The following RHOBTB2 variants were observed in gnomAD, a reference collection of about 807,000 sequenced individuals.
RHOBTB2 encodes the protein Rho related BTB domain containing 2, also known as rho-related BTB domain-containing protein 2.
A neutral mutation model predicts 66.5 loss-of-function variants in RHOBTB2; 39 were observed. The observed-to-expected ratio is 0.59, with a 90% CI of 0.45 to 0.77. The LOEUF (loss-of-function observed/expected upper bound fraction) is 0.77, where lower values mean the gene tolerates loss of function less well. Among genes scored for constraint, RHOBTB2 ranks in the 30% least tolerant of loss-of-function variants. RHOBTB2 has a pLI of 0.00. For synonymous variants in RHOBTB2, 390 were observed against 395.0 expected, an observed-to-expected ratio of 0.99 and a Z score of 0.15; for missense variants, 755 against 999.1, an observed-to-expected ratio of 0.76 and a Z score of 3.29.
chr8:22,970,602 CT>C, the RHOBTB2 span, among the ~76,000 whole-genome samples: 4 of 113,358 alleles, frequency 3.5e-5, no homozygotes, highest in South Asian at 2.7e-4. Flanking sequence ...GACTCTGTCC[CT>C]AAAAAAAAAA....
At chr8:23,015,510 C>T in intron 8 of RHOBTB2, 128 bp from the exon 9 acceptor site, 1 of 625,980 alleles carries the variant, frequency 1.6e-6, no homozygotes. Context: ...CTGGCGCAGG[C>T]TCTCTAGAAC....
At chr8:22,990,018 T>C (rs1380268110) in intron 1 of RHOBTB2, among the ~76,000 whole-genome samples, 1 of 152,200 alleles carries the variant, frequency 6.6e-6, no homozygotes, top group Non-Finnish European at 1.5e-5. Context: ...AGGTAGTACA[T>C]GCAGCACAAT....
chr8:22,954,110 A>T, the RHOBTB2 span, among the ~76,000 whole-genome samples: 1 of 152,264 alleles, frequency 6.6e-6, no homozygotes, highest in Non-Finnish European at 1.5e-5. Flanking sequence ...TCTCACACAG[A>T]CATAAAATGA....
At chr8:22,975,847 C>G in the RHOBTB2 span, among the ~76,000 whole-genome samples, 2 of 152,050 alleles carry the variant, frequency 1.3e-5, no homozygotes, top group Non-Finnish European at 2.9e-5. Context: ...CTAGATCTCT[C>G]TCTCTAAAGA....
At chr8:23,011,698 C>T (rs573368200) in intron 7 of RHOBTB2, among the ~76,000 whole-genome samples, 17 of 152,264 alleles carry the variant, frequency 1.1e-4, no homozygotes, top group African/African-American at 3.9e-4. Flanking sequence ...AGACGGCTCT[C>T]GTTCATGTTG....
the RHOBTB2 span, among the ~76,000 whole-genome samples, chr8:22,963,846 A>T: frequency 2.0e-5 from 3 of 152,060 alleles, no homozygotes; most frequent in African/African-American, 7.2e-5. Flanking sequence ...CAATGATGTG[A>T]TCTTGGCTCA....
chr8:22,960,232 GAAATGCTTTTATA>G, the RHOBTB2 span, among the ~76,000 whole-genome samples: 70 of 151,718 alleles, frequency 4.6e-4, no homozygotes, highest in Non-Finnish European at 7.7e-4. Flanking sequence ...AAAACAAGTT[GAAATGCTTTTATA>G]AAATGCTTTT....
the RHOBTB2 span, among the ~76,000 whole-genome samples, chr8:22,969,750 T>C: frequency 2.3e-4 from 35 of 152,188 alleles, no homozygotes; most frequent in African/African-American, 8.4e-4. Flanking sequence ...TTACAAATTA[T>C]AGTTTTGTTT....
At chr8:23,013,094 C>T (rs998828188) in intron 7 of RHOBTB2, among the ~76,000 whole-genome samples, 2 of 151,788 alleles carry the variant, frequency 1.3e-5, no homozygotes, top group African/African-American at 2.4e-5. Flanking sequence ...CCACCACACC[C>T]GGCCTAATTT....
upstream of RHOBTB2, among the ~76,000 whole-genome samples, chr8:22,983,799 A>G (rs1810249917): frequency 6.6e-6 from 1 of 151,860 alleles, no homozygotes; most frequent in African/African-American, 2.4e-5. Flanking sequence ...CAGTGGCGCC[A>G]TCTTGGCTCA....
chr8:22,996,780 G>A (rs2128799369), upstream of RHOBTB2, among the ~76,000 whole-genome samples: 1 of 152,216 alleles, frequency 6.6e-6, no homozygotes, highest in South Asian at 2.1e-4. Context: ...GCTGGGGACA[G>A]GGATGGGCAT....
chr8:23,006,412 G>A lies in RHOBTB2; in HGVS notation c.482+267G>A. 1 of 552,566 alleles carries A rather than the reference G, an allele frequency of 1.8e-6. No individual in the cohort carries two copies. Among genetic ancestry groups the A allele is most frequent in the East Asian group, 2.9e-5 (1 of 34,786 alleles). The allele number at this position is 552,566 out of a possible 1,614,324, so 34.2% of individuals were successfully genotyped here. ...CATGAAAAAGTCCTATAATTTTGCT[G>A]AGGGATAAACTAAATATGTGAGCAT... is the stretch of plus-strand genomic sequence containing the variant. On this transcript the variant is annotated intron_variant, in intron 4 of 9. Transcript: ENST00000251822. This position sits in a 1 kb window ranked among gnomAD's most constrained non-coding sequence, Gnocchi z 6.1.
chr8:22,983,469 A>G (rs1810243876), upstream of RHOBTB2, among the ~76,000 whole-genome samples: 1 of 151,432 alleles, frequency 6.6e-6, no homozygotes, highest in South Asian at 2.1e-4. Flanking sequence ...TGGGCAACAA[A>G]GTGAGACCCA....
At chr8:22,981,387 G>C in the RHOBTB2 span, among the ~76,000 whole-genome samples, 1 of 152,174 alleles carries the variant, frequency 6.6e-6, no homozygotes, top group Admixed American at 6.5e-5. Context: ...GGAGCTACCC[G>C]CAGCTCATTC....
chr8:23,014,924 C>A, intron 8 of RHOBTB2, 146 bp downstream of exon 8: 1 of 679,894 alleles, frequency 1.5e-6, no homozygotes, highest in Admixed American at 2.2e-5. Context: ...AGCCCATCTC[C>A]TCCTCCATGC....
chr8:22,988,622 C>A (rs998556644), intron 1 of RHOBTB2, among the ~76,000 whole-genome samples: 1 of 152,124 alleles, frequency 6.6e-6, no homozygotes, highest in Non-Finnish European at 1.5e-5. Flanking sequence ...CTCAGCCCCC[C>A]AAATTTTGTT....
chr8:23,000,246 G>C (rs1810732031), intron 1 of RHOBTB2, 141 bp downstream of exon 1: 1 of 430,532 alleles, frequency 2.3e-6, no homozygotes, highest in Non-Finnish European at 3.1e-6. Flanking sequence ...TCGGCTGCTG[G>C]GTACAGCGGG....
At chr8:22,979,420 T>C in the RHOBTB2 span, among the ~76,000 whole-genome samples, 3 of 152,210 alleles carry the variant, frequency 2.0e-5, no homozygotes, top group Non-Finnish European at 4.4e-5. Flanking sequence ...AATAGTTCTT[T>C]CTATCCTTTG....
At chr8:22,977,571 CAAA>C in the RHOBTB2 span, among the ~76,000 whole-genome samples, 156 of 136,586 alleles carry the variant, frequency 1.1e-3, no homozygotes, top group East Asian at 6.4e-4. Flanking sequence ...GACCCTTTCT[CAAA>C]AAAAAAAAAA....
Sources: allele counts gnomAD v4.1 joint callset (sites outside exome capture counted in the v4.1 genomes callset), GRCh38; gene constraint gnomAD v4.1.1; non-coding constraint Gnocchi (gnomAD v3.1); transcripts MANE v1.5; gene names NCBI Gene and HGNC (gene_info 2026-07-23, HGNC 2026-07-21).